The following DHX16 variants were observed in gnomAD, a reference collection of about 807,000 sequenced individuals.
DHX16 encodes the protein DEAH-box helicase 16, also known as pre-mRNA-splicing factor ATP-dependent RNA helicase DHX16.
In DHX16, 81 loss-of-function variants were observed where a neutral mutation model predicts 131.2. The ratio of observed to expected loss-of-function variants is 0.62; its 90% CI spans 0.52 to 0.74. The LOEUF (loss-of-function observed/expected upper bound fraction) is 0.74. DHX16 is among the 30% of genes least tolerant of loss of function. DHX16 has a pLI of 0.00. For missense variants in DHX16, 980 were observed against 1,363.1 expected, an observed-to-expected ratio of 0.72 and a Z score of 4.43; for synonymous variants, 440 against 520.2, an observed-to-expected ratio of 0.85 and a Z score of 2.10.
Position 30,656,619 on chromosome 6 carries a change from G to A in DHX16, c.2289C>T (p.Val763=), listed in dbSNP as rs143268425. The A allele has an allele frequency of 1.1e-5, 17 of 1,614,108 alleles. 1 individual carries two copies. The South Asian group carries it at 1.1e-4, about 10-fold the overall frequency. The change falls in exon 14 of 20, where the codon GTC becomes GTT. Residue 763 remains valine, a synonymous_variant. Coordinates refer to ENST00000376442, the MANE Select transcript of DHX16 (RefSeq NM_003587.5). The surrounding 1 kb of genome is among the most constrained non-coding windows in gnomAD (Gnocchi z 5.1). ...CACCTAAGCTCTTGAGCAGCAACAC[G>A]ACATTGCCCAAGCTGGTCCTCTGGA... is the stretch of plus-strand genomic sequence containing the variant. ...PEIQRTSLGN[V]VLLLKSLGIH...
At position 30,664,985 on chromosome 6, in the gene DHX16, G is replaced by A. The variant is rs1768884008; in HGVS notation, c.1133C>T (p.Ser378Leu). ...ATQLQGDEEP[S>L]APPTSTQAQQ... ...GGCCTGAGTTGAAGTGGGTGGAGCT[G>A]ACGGCTCCTAAGGAAAGAGAAGGAG... The change falls in exon 7 of 20, where the codon TCA (serine) becomes TTA (leucine). Residue 378 changes from serine (S) to leucine (L), a missense_variant. By Grantham distance (145) the Ser-to-Leu change is moderately radical. Around this residue, in one of 3 missense-constraint regions of DHX16, gnomAD observed 457 missense variants for 554.8 expected, o/e 0.82. Transcript: ENST00000376442. 1 of 1,613,896 alleles carries A rather than the reference G, an allele frequency of 6.2e-7. No homozygotes were observed. The highest frequency in any genetic ancestry group is 8.5e-7 in the Non-Finnish European group (1 of 1,179,948).
At chr6:30,664,379 ACG>A (rs1452965558) in intron 7 of DHX16, among the ~76,000 whole-genome samples, 1 of 151,536 alleles carries the variant, frequency 6.6e-6, no homozygotes, top group Non-Finnish European at 1.5e-5. Flanking sequence ...CTGAAGGCTG[ACG>A]CAGGAGAATT....
In DHX16 at chr6:30,659,608, G is replaced by C. The variant is rs1175785916; in HGVS notation, c.1871C>G (p.Ala624Gly). 3.1e-6 allele frequency: 5 copies of C among 1,613,850 alleles called. No homozygotes were observed. The highest frequency in any genetic ancestry group is 1.7e-5 in the Admixed American group (1 of 60,002). The change falls in exon 12 of 20, where the codon GCC (alanine) becomes GGC (glycine). Residue 624 changes from alanine to glycine, a missense_variant. Around this residue, in one of 3 missense-constraint regions of DHX16, gnomAD observed 309 missense variants for 537.1 expected, o/e 0.58. Transcript: ENST00000376442. ...GCAGCGATCCTGGAGCATCTCACAG[G>C]CAGCCTCAATCTCCTCCTGGATAGA... ...FLTGQEEIEAACEMLQDRCRR... is the reference protein window; with the variant it reads ...FLTGQEEIEAGCEMLQDRCRR...
At chr6:30,671,948 GC>G (rs1424771555) in intron 1 of DHX16, among the ~76,000 whole-genome samples, 1 of 151,750 alleles carries the variant, frequency 6.6e-6, no homozygotes, top group African/African-American at 2.4e-5. Flanking sequence ...CTCCCGGGGT[GC>G]TGGGATTACA....
At chr6:30,653,483 A>C in intron 19 of DHX16, 113 bp from the exon 20 acceptor site, 5 of 1,253,354 alleles carry the variant, frequency 4.0e-6, no homozygotes, top group Non-Finnish European at 5.3e-6. Flanking sequence ...CCCAGGCTGG[A>C]CTGCAGTGGC....
At position 30,653,297 on chromosome 6, in the gene DHX16, G is replaced by A; in HGVS notation, c.3071C>T (p.Pro1024Leu). ...TTTTTTGGGCATTTTCTTAGCATGG[G>A]GATCTTCTAGCTCCTTGGCCTTATA... ...HYYKAKELED[P>L]HAKKMPKKIG... Residue 1024 changes from proline (P) to leucine (L), a missense_variant, in exon 20 of 20, where the codon CCC becomes CTC. Coordinates refer to ENST00000376442, the MANE Select transcript of DHX16 (RefSeq NM_003587.5). 1 of 1,612,840 alleles carries A rather than the reference G, an allele frequency of 6.2e-7. No individual in the cohort carries two copies. The highest frequency in any genetic ancestry group is 8.5e-7 in the Non-Finnish European group (1 of 1,179,980).
rs543607750 is a variant in DHX16 at position 30,655,020 on chromosome 6, A to C, written c.2824-141T>G. 3.6e-6 allele frequency: 5 copies of C among 1,395,800 alleles called. No homozygotes were observed. In the South Asian group the frequency reaches 6.7e-5, roughly 19 times the overall value. 86.5% of individuals were successfully genotyped at this position (1,395,800 alleles called of 1,614,324 possible). A position where few individuals can be genotyped will look rare whatever the true frequency, so the allele number is the denominator to read the frequency against. On this transcript the variant is annotated intron_variant, in intron 18 of 19. Coordinates refer to ENST00000376442, the MANE Select transcript of DHX16 (RefSeq NM_003587.5). ...AAGAACTTCCCAGGAATGAACCTTC[A>C]GTGGTCTGGGGAAGAAAGGGCCCTG...
chr6:30,659,652 G>C, intron 11 of DHX16, 28 bp from the exon 12 acceptor site: 2 of 1,613,664 alleles, frequency 1.2e-6, no homozygotes, highest in South Asian at 1.1e-5. Context: ...AGAGCAGCAG[G>C]GGTCCCAGAG....
intron 7 of DHX16, among the ~76,000 whole-genome samples, chr6:30,663,671 A>C (rs191846170): frequency 1.7e-4 from 26 of 149,418 alleles, no homozygotes; most frequent in African/African-American, 6.4e-4. Context: ...CAGTAAGCCA[A>C]GATCATGCCA....
chr6:30,669,744 T>TAAAAAAAAAAAAAAAAAAAAAA (rs953317689), intron 4 of DHX16, among the ~76,000 whole-genome samples: 3 of 113,814 alleles, frequency 2.6e-5, no homozygotes, highest in African/African-American at 3.4e-5. Context: ...AAAAAAGGTT[T>TAAAAAAAAAAAAAAAAAAAAAA]AAAAAAAAAA....
chr6:30,660,340 G>A, intron 9 of DHX16, 98 bp from the exon 10 acceptor site: 1 of 1,020,342 alleles, frequency 9.8e-7, no homozygotes, highest in Non-Finnish European at 1.4e-6. Flanking sequence ...TGGACACAAA[G>A]AGTTCAAGAA....
intron 12 of DHX16, 21 bp from the exon 13 acceptor site, chr6:30,657,113 T>C: frequency 6.3e-7 from 1 of 1,596,564 alleles, no homozygotes. Flanking sequence ...GGATATGGGG[T>C]CACCCAGTGA....
At position 30,670,999 on chromosome 6, in the gene DHX16, G is replaced by A; in HGVS notation, c.446+37C>T. 1.2e-6 allele frequency: 2 copies of A among 1,612,892 alleles called. No individual in the cohort carries two copies. The highest frequency in any genetic ancestry group is 1.7e-6 in the Non-Finnish European group (2 of 1,179,904). On this transcript the variant is annotated intron_variant, in intron 2 of 19. Coordinates refer to ENST00000376442, the MANE Select transcript of DHX16 (RefSeq NM_003587.5). This position sits in a 1 kb window ranked among gnomAD's most constrained non-coding sequence, Gnocchi z 4.4. ...AAATAAGGGCATAGAGAACACTTCA[G>A]CCTGCCCCATCCTCTCTCACCCTGC... is the stretch of plus-strand genomic sequence containing the variant.
intron 9 of DHX16, chr6:30,661,607 C>T: frequency 1.6e-6 from 1 of 626,010 alleles, no homozygotes; most frequent in Non-Finnish European, 2.9e-6. Flanking sequence ...CAGGACTCTG[C>T]ATGCTCCTTG....
In DHX16 at chr6:30,665,389, G is replaced by A; in HGVS notation, c.921+90C>T. 6.3e-7 allele frequency: 1 copy of A among 1,583,290 alleles called. No individual in the cohort carries two copies. The highest frequency in any genetic ancestry group is 8.6e-7 in the Non-Finnish European group (1 of 1,164,394). On this transcript the variant is annotated intron_variant, in intron 5 of 19. Coordinates refer to ENST00000376442, the MANE Select transcript of DHX16 (RefSeq NM_003587.5). This position sits in a 1 kb window ranked among gnomAD's most constrained non-coding sequence, Gnocchi z 4.8. ...CATTGGGAACGGCAAGGCAAGAAAG[G>A]GGATGACCCACGTGTTGCCCAATCC... is the stretch of plus-strand genomic sequence containing the variant.
At chr6:30,661,294 AG>A (rs1304475636) in intron 9 of DHX16, among the ~76,000 whole-genome samples, 1 of 152,178 alleles carries the variant, frequency 6.6e-6, no homozygotes, top group Non-Finnish European at 1.5e-5. Context: ...CGTGTTAGCC[AG>A]GATGGTCTTG....
At chr6:30,660,382 G>A (rs923315245) in intron 9 of DHX16, 140 bp from the exon 10 acceptor site, 1 of 662,858 alleles carries the variant, frequency 1.5e-6, no homozygotes, top group East Asian at 3.1e-5. Context: ...CTAAGGAGAA[G>A]TCAGCCATCC....
intron 18 of DHX16, 83 bp downstream of exon 18, chr6:30,655,092 G>C (rs1767848353): frequency 6.4e-7 from 1 of 1,566,386 alleles, no homozygotes; most frequent in Non-Finnish European, 8.7e-7. Context: ...TCTCACGCTG[G>C]AGGAAATGCT....
At chr6:30,659,369 G>A (rs939217422) in intron 12 of DHX16, 103 bp downstream of exon 12, 8 of 1,260,018 alleles carry the variant, frequency 6.3e-6, no homozygotes, top group Non-Finnish European at 8.8e-6. Flanking sequence ...TCAGCTGTGT[G>A]CAGCAGTGCG....
Sources: gnomAD v4.1 joint callset for allele counts (sites outside exome capture counted in the v4.1 genomes callset) on GRCh38, gnomAD v4.1.1 for gene constraint, gnomAD v4.1.1 regional missense constraint, Gnocchi (gnomAD v3.1) non-coding constraint, MANE v1.5 for transcripts, NCBI Gene and HGNC (gene_info 2026-07-23, HGNC 2026-07-21) for gene names.